The following PXDNL variants were observed in gnomAD, a reference collection of about 807,000 sequenced individuals.
PXDNL encodes probable oxidoreductase PXDNL.
In PXDNL, 145 loss-of-function variants were observed where a neutral mutation model predicts 150.8. The ratio of observed to expected loss-of-function variants is 0.96; its 90% CI spans 0.84 to 1.10. The LOEUF (loss-of-function observed/expected upper bound fraction) is 1.10, where lower values mean the gene tolerates loss of function less well. PXDNL is among the 50% of genes least tolerant of loss of function. The probability of loss-of-function intolerance (pLI) is 0.00; values close to 1 mark genes in which losing one functional copy is unlikely to be tolerated. For synonymous variants in PXDNL, 757 were observed against 725.7 expected (o/e 1.04, Z -0.69); for missense variants, 2,087 against 1,873.9 (o/e 1.11, Z -2.10).
chr8:51,600,517 A>C (rs1036140321), intron 2 of PXDNL, among the ~76,000 whole-genome samples: 1 of 136,192 alleles, frequency 7.3e-6, no homozygotes, highest in Non-Finnish European at 1.5e-5. Flanking sequence ...TATATCTTAT[A>C]TAAATTATAT....
At chr8:51,451,660 A>G (rs1809810664) in intron 10 of PXDNL, among the ~76,000 whole-genome samples, 1 of 152,016 alleles carries the variant, frequency 6.6e-6, no homozygotes, top group African/African-American at 2.4e-5. Flanking sequence ...GTGTCATTTT[A>G]TTTGTGTTAT....
chr8:51,393,568 A>G (rs1242830634), intron 17 of PXDNL, among the ~76,000 whole-genome samples: 1 of 152,274 alleles, frequency 6.6e-6, no homozygotes, highest in Non-Finnish European at 1.5e-5. Context: ...GCGTAATAGC[A>G]GTGCACCACC....
chr8:51,782,810 T>C (rs1585747177), intron 1 of PXDNL, among the ~76,000 whole-genome samples: 2 of 152,220 alleles, frequency 1.3e-5, no homozygotes, highest in Non-Finnish European at 2.9e-5. Context: ...CCTTATCCCA[T>C]AAAATTTCTC....
chr8:51,486,983 C>T (rs1325475347), intron 5 of PXDNL, among the ~76,000 whole-genome samples: 2 of 150,826 alleles, frequency 1.3e-5, no homozygotes, highest in Non-Finnish European at 3.0e-5. Context: ...TTTGTAGAGA[C>T]GGGGTTTCAC....
chr8:51,455,115 C>CAAAAAA lies in PXDNL; in HGVS notation c.983-1336_983-1331dup, dbSNP rs536468204. 6.9e-4 allele frequency among the ~76,000 whole-genome samples: 11 copies of CAAAAAA among 15,858 alleles called. 3 individuals carry two copies. The highest frequency in any genetic ancestry group is 1.1e-3 in the Non-Finnish European group (10 of 9,522). The allele number at this position is 15,858 out of a possible 152,430, so 10.4% of individuals were successfully genotyped here. A position where few individuals can be genotyped will look rare whatever the true frequency, so the allele number is the denominator to read the frequency against. On this transcript the variant is annotated intron_variant, in intron 9 of 22. Coordinates refer to ENST00000356297, the MANE Select transcript of PXDNL (RefSeq NM_144651.5). ...TGGGCGACAGAGCGAGACTCCGTCT[C>CAAAAAA]AAAAAAAAAAAAAAAAAAGAGGTAA... is the stretch of plus-strand genomic sequence containing the variant.
At chr8:51,577,999 G>GAAAGAGGAAGGAAGGA (rs1409948869) in intron 3 of PXDNL, among the ~76,000 whole-genome samples, 4 of 31,540 alleles carry the variant, frequency 1.3e-4, no homozygotes, top group Admixed American at 3.7e-4. Context: ...AAGAAAGAAA[G>GAAAGAGGAAGGAAGGA]AGGAAGGAAG....
At chr8:51,323,912 A>G (rs28411163) in intron 21 of PXDNL, among the ~76,000 whole-genome samples, 64,519 of 149,926 alleles carry the variant, frequency 0.43, 17,556 homozygotes, top group African/African-American at 0.79. Flanking sequence ...GCAAAACTTC[A>G]TCTCAAAAAA....
intron 1 of PXDNL, among the ~76,000 whole-genome samples, chr8:51,682,769 A>G (rs1815780672): frequency 6.6e-6 from 1 of 152,126 alleles, no homozygotes; most frequent in African/African-American, 2.4e-5. Context: ...AGAAAGTTGT[A>G]TGATTTGACT....
chr8:51,548,731 C>T (rs1175653350), intron 4 of PXDNL, among the ~76,000 whole-genome samples: 4 of 152,050 alleles, frequency 2.6e-5, no homozygotes, highest in Non-Finnish European at 5.9e-5. Context: ...CTCTGTAAAG[C>T]ACAAATCTCA....
intron 4 of PXDNL, among the ~76,000 whole-genome samples, chr8:51,512,213 T>G (rs563241209): frequency 2.6e-5 from 4 of 152,082 alleles, no homozygotes; most frequent in African/African-American, 7.2e-5. Context: ...ACTCTTGCCA[T>G]GAAGAAAAGA....
chr8:51,575,163 A>T (rs1313490383), intron 3 of PXDNL, among the ~76,000 whole-genome samples: 1 of 152,066 alleles, frequency 6.6e-6, no homozygotes, highest in Non-Finnish European at 1.5e-5. Flanking sequence ...AAAGATTTTT[A>T]TACTTAAATA....
At chr8:51,338,662 GC>G (rs1222781875) in intron 21 of PXDNL, among the ~76,000 whole-genome samples, 1 of 152,204 alleles carries the variant, frequency 6.6e-6, no homozygotes, top group Non-Finnish European at 1.5e-5. Context: ...AGACAGCTTG[GC>G]ACCATGCCTT....
chr8:51,648,525 G>C (rs1397346237), intron 2 of PXDNL, among the ~76,000 whole-genome samples: 1 of 152,214 alleles, frequency 6.6e-6, no homozygotes, highest in Non-Finnish European at 1.5e-5. Flanking sequence ...CCTCTGGAGG[G>C]AAGGCAGTCC....
intron 2 of PXDNL, among the ~76,000 whole-genome samples, chr8:51,644,318 T>TATATATATATATA (rs1814852884): frequency 3.9e-4 from 25 of 63,312 alleles, no homozygotes; most frequent in South Asian, 1.5e-3. Context: ...AGGCACATTT[T>TATATATATATATA]TACATATATA....
At chr8:51,392,860 G>T (rs1807956064) in intron 17 of PXDNL, among the ~76,000 whole-genome samples, 1 of 152,102 alleles carries the variant, frequency 6.6e-6, no homozygotes, top group Non-Finnish European at 1.5e-5. Context: ...TCTATTGTGA[G>T]GTTAGGAGAA....
chr8:51,541,056 G>T (rs921773740), intron 4 of PXDNL, among the ~76,000 whole-genome samples: 2 of 151,942 alleles, frequency 1.3e-5, no homozygotes, highest in South Asian at 4.2e-4. Context: ...TCAATAGATC[G>T]AGACCAGCCT....
intron 14 of PXDNL, among the ~76,000 whole-genome samples, chr8:51,422,795 T>C (rs1243664746): frequency 1.3e-5 from 2 of 152,188 alleles, no homozygotes; most frequent in African/African-American, 4.8e-5. Context: ...AACTCCCACA[T>C]GCAGACATGC....
intron 1 of PXDNL, among the ~76,000 whole-genome samples, chr8:51,731,907 A>C (rs1192923098): frequency 1.3e-5 from 2 of 152,092 alleles, no homozygotes; most frequent in Non-Finnish European, 2.9e-5. Context: ...TTTTCCTTCT[A>C]GGCCTCCAAG....
rs1233000179 is a variant in PXDNL, at chr8:51,409,159, C to T, written c.2465G>A (p.Ser822Asn). 2.5e-6 allele frequency: 4 copies of T among 1,601,296 alleles called. No individual in the cohort carries two copies. Among genetic ancestry groups the T allele is most frequent in the South Asian group, 1.1e-5 (1 of 90,008 alleles). Residue 822 changes from serine to asparagine, a missense_variant, in exon 17 of 23, where the codon AGC (serine) becomes AAC (asparagine). Ser to Asn is a conservative substitution (Grantham distance 46). Transcript: ENST00000356297. The stretch of plus-strand genomic sequence containing the variant: ...CCGCCCATCCGAGAAGCGGGCTGTG[C>T]TCAGCGCAGGCACTGTGTGGTCCAA... ...HDLDHTVPAL[S>N]TARFSDGRPC...
Sources: allele counts gnomAD v4.1 joint callset (sites outside exome capture counted in the v4.1 genomes callset), GRCh38; gene constraint gnomAD v4.1.1; transcripts MANE v1.5; gene names NCBI Gene and HGNC (gene_info 2026-07-23, HGNC 2026-07-21).